Variants in POLH observed in about 807,000 individuals in gnomAD.
POLH encodes DNA polymerase eta.
A neutral mutation model predicts 73.6 loss-of-function variants in POLH; 53 were observed. The observed-to-expected ratio is 0.72, with a 90% confidence interval of 0.58 to 0.91. The LOEUF is 0.91. Ranked by LOEUF, POLH falls within the 40% of genes least tolerant of loss-of-function variation. POLH has a pLI of 0.00. For missense variants in POLH, 768 were observed against 865.4 expected (o/e 0.89, Z 1.41); for synonymous variants, 292 against 308.5 (o/e 0.95, Z 0.56).
At chr6:43,593,679 A>C (rs1765717729) in intron 4 of POLH, among the ~76,000 whole-genome samples, 1 of 152,170 alleles carries the variant, frequency 6.6e-6, no homozygotes, top group South Asian at 2.1e-4. Flanking sequence ...CATGAGATTG[A>C]GACCATCCTG....
At chr6:43,609,106 G>C (rs982929542) in intron 9 of POLH, among the ~76,000 whole-genome samples, 1 of 151,926 alleles carries the variant, frequency 6.6e-6, no homozygotes, top group Non-Finnish European at 1.5e-5. Flanking sequence ...TTCTCCAGGA[G>C]GTCCTCCCTA....
At chr6:43,577,494 C>G (rs1227277324) in intron 1 of POLH, among the ~76,000 whole-genome samples, 1 of 152,190 alleles carries the variant, frequency 6.6e-6, no homozygotes, top group Non-Finnish European at 1.5e-5. Context: ...TTTAAAGTAT[C>G]ACATTCTGCC....
intron 9 of POLH, 112 bp downstream of exon 9, chr6:43,605,431 T>A (rs1582310631): frequency 8.5e-6 from 5 of 591,132 alleles, no homozygotes; most frequent in Non-Finnish European, 1.2e-5. Context: ...ATAGGAAATA[T>A]CCGTTTTCTT....
At chr6:43,596,459 G>A (rs1000087577) in intron 4 of POLH, among the ~76,000 whole-genome samples, 1 of 152,122 alleles carries the variant, frequency 6.6e-6, no homozygotes, top group African/African-American at 2.4e-5. Flanking sequence ...CTCCAGCCTG[G>A]GTGACAGAGT....
intron 3 of POLH, among the ~76,000 whole-genome samples, chr6:43,584,054 G>A (rs992060707): frequency 6.6e-6 from 1 of 152,178 alleles, no homozygotes; most frequent in African/African-American, 2.4e-5. Context: ...GAGTTGAGAG[G>A]ATTGCTTGAG....
chr6:43,579,126 G>C (rs1270667699), intron 1 of POLH, among the ~76,000 whole-genome samples: 1 of 151,986 alleles, frequency 6.6e-6, no homozygotes, highest in Non-Finnish European at 1.5e-5. Context: ...TTATAATGTT[G>C]GAGCTCTTGA....
chr6:43,592,901 G>A (rs919209072), intron 4 of POLH, among the ~76,000 whole-genome samples: 9 of 152,006 alleles, frequency 5.9e-5, no homozygotes, highest in African/African-American at 2.2e-4. Flanking sequence ...TTAAAACACA[G>A]AGACATGGTC....
chr6:43,588,399 TTTCCCTTTC>T (rs1765078312), intron 4 of POLH: 1 of 152,092 alleles, frequency 6.6e-6, no homozygotes, highest in South Asian at 2.1e-4. Flanking sequence ...CTTTTCTTTC[TTTCCCTTTC>T]TTTCTTTCTT....
chr6:43,604,100 A>G, intron 7 of POLH, 89 bp downstream of exon 7: 3 of 1,062,834 alleles, frequency 2.8e-6, no homozygotes, highest in Non-Finnish European at 4.4e-6. Flanking sequence ...ATCCAGACCT[A>G]TCTTTAGGTT....
intron 5 of POLH, among the ~76,000 whole-genome samples, chr6:43,600,316 G>GAGA (rs534520064): frequency 4.7e-3 from 720 of 152,218 alleles, no homozygotes; most frequent in Middle Eastern, 6.8e-3. Context: ...TACTTGGAAG[G>GAGA]CTGAGGCAGG....
Position 43,614,109 on chromosome 6 carries a change from A to G in POLH, c.1694A>G (p.Asn565Ser), listed in dbSNP as rs770267888. The change falls in exon 11 of 11, where the codon AAC becomes AGC. Residue 565 changes from asparagine (N) to serine (S), a missense_variant. Transcript: ENST00000372236. ...TGGTCCAACTGTAAAGCATTACCAA[A>G]CTCTTTACCAACAGAGTATCCAGGG... ...NPWSNCKALP[N>S]SLPTEYPGCV... 3 of 1,614,138 alleles carry G rather than the reference A, an allele frequency of 1.9e-6. No homozygotes were observed. In the East Asian group the frequency reaches 6.7e-5, roughly 36 times the overall value.
In POLH at chr6:43,605,435, T is replaced by TTTTC. The variant is rs1325850866; in HGVS notation, c.1074+124_1074+127dup. ...AAAGTATTAGCATAGGAAATATCCG[T>TTTTC]TTTCTTTCTTTTTTTTTTTTTTTTT... On this transcript the variant is annotated intron_variant, in intron 9 of 10. Coordinates refer to ENST00000372236, the MANE Select transcript of POLH (RefSeq NM_006502.3). 1.3e-3 allele frequency: 785 copies of TTTTC among 594,514 alleles called. 16 individuals are homozygous for TTTTC. In the African/African-American group the frequency reaches 0.015, roughly 11 times the overall value. 36.8% of individuals were successfully genotyped at this position (594,514 alleles called of 1,614,324 possible). A position where few individuals can be genotyped will look rare whatever the true frequency, so the allele number is the denominator to read the frequency against.
At chr6:43,598,307 G>A (rs968768947) in intron 5 of POLH, among the ~76,000 whole-genome samples, 1 of 151,744 alleles carries the variant, frequency 6.6e-6, no homozygotes, top group Admixed American at 6.6e-5. Context: ...ACATGGAAAT[G>A]GACATTAAAT....
At chr6:43,601,202 C>G (rs1001260184) in intron 6 of POLH, 111 bp downstream of exon 6, 46 of 773,774 alleles carry the variant, frequency 5.9e-5, no homozygotes, top group Non-Finnish European at 9.8e-5. Flanking sequence ...AAATACATAC[C>G]AGGCAGTTAG....
At chr6:43,593,451 G>A (rs1359417004) in intron 4 of POLH, among the ~76,000 whole-genome samples, 1 of 152,142 alleles carries the variant, frequency 6.6e-6, no homozygotes, top group African/African-American at 2.4e-5. Context: ...TTGTAACTAG[G>A]GAAGTTTGGT....
At chr6:43,581,627 A>G (rs1369525244) in intron 1 of POLH, among the ~76,000 whole-genome samples, 3 of 144,612 alleles carry the variant, frequency 2.1e-5, no homozygotes, top group Non-Finnish European at 4.5e-5. Flanking sequence ...CGCGGCGGCA[A>G]AGACTGAGAC....
intron 9 of POLH, among the ~76,000 whole-genome samples, chr6:43,609,035 T>C (rs1767600091): frequency 6.6e-6 from 1 of 152,222 alleles, no homozygotes; most frequent in African/African-American, 2.4e-5. Context: ...GGAGACTCTT[T>C]GTTCATATAT....
chr6:43,589,880 T>A (rs1765245391), intron 4 of POLH, among the ~76,000 whole-genome samples: 1 of 152,060 alleles, frequency 6.6e-6, no homozygotes, highest in Non-Finnish European at 1.5e-5. Context: ...CTTTTATATA[T>A]TTTTTTCATT....
At chr6:43,580,201 T>G (rs1235531972) in intron 1 of POLH, among the ~76,000 whole-genome samples, 6 of 144,566 alleles carry the variant, frequency 4.2e-5, no homozygotes, top group Admixed American at 1.4e-4. Context: ...ACACAGCACA[T>G]GTTTCAGAGA....
Sources: allele counts gnomAD v4.1 joint callset (sites outside exome capture counted in the v4.1 genomes callset), GRCh38; gene constraint gnomAD v4.1.1; transcripts MANE v1.5; gene names NCBI Gene and HGNC (gene_info 2026-07-23, HGNC 2026-07-21).